Variants in TMEM200C observed in about 807,000 individuals in gnomAD.
TMEM200C encodes transmembrane protein 200C.
For synonymous variants in TMEM200C, 462 were observed against 324.7 expected, an observed-to-expected ratio of 1.42 and a Z score of -4.55; for missense variants, 966 against 699.9, an observed-to-expected ratio of 1.38 and a Z score of -4.29.
Position 5,891,888 on chromosome 18 carries a change from C to T in TMEM200C, c.176G>A (p.Gly59Glu). The T allele has an allele frequency of 6.2e-7, 1 of 1,612,726 alleles. No individual in the cohort carries two copies. The highest frequency in any genetic ancestry group is 8.5e-7 in the Non-Finnish European group (1 of 1,179,870). Residue 59 changes from glycine to glutamate, a missense_variant, in exon 3 of 3, where the codon GGG becomes GAG. Coordinates refer to ENST00000581347, the Ensembl canonical transcript of TMEM200C. This position sits in a 1 kb window ranked among gnomAD's most constrained non-coding sequence, Gnocchi z 4.7. ...TATGCCCACCAGCAGCACCAGGATC[C>T]CACAGAGGGCGATGAGCCCTGAGAT...
At chr18:5,892,239 C>A in intron 2 of TMEM200C, 82 bp from the exon 2 acceptor site, 1 of 661,324 alleles carries the variant, frequency 1.5e-6, no homozygotes, top group Non-Finnish European at 2.5e-6. Flanking sequence ...ACTCCCAGAT[C>A]CCACTCCGTG....
chr18:5,891,814 C>A lies in TMEM200C; in HGVS notation c.250G>T (p.Glu84Ter). The change falls in exon 3 of 3, where the codon GAG (glutamate) becomes TAG (stop). Residue 84 changes from glutamate (E) to a stop codon, truncating the protein, a stop_gained. Transcript: ENST00000581347. LOFTEE classifies it low-confidence loss of function (END_TRUNC). The surrounding 1 kb of genome is among the most constrained non-coding windows in gnomAD (Gnocchi z 4.7). ...GCAGGCGGCAGCTGCTTACCCCCCTCCCGATTGGTCCCGGTGGCCTTGGGC... is the reference window on the plus strand; with the variant it reads ...GCAGGCGGCAGCTGCTTACCCCCCTACCGATTGGTCCCGGTGGCCTTGGGC... 2 of 1,604,668 alleles carry A rather than the reference C, an allele frequency of 1.2e-6. No homozygotes were observed. The highest frequency in any genetic ancestry group is 1.7e-6 in the Non-Finnish European group (2 of 1,177,244).
chr18:5,890,621 CG>C lies in TMEM200C; in HGVS notation c.1442del (p.Pro481ArgfsTer74). 1.0e-6 allele frequency: 1 copy of C among 1,001,262 alleles called. No homozygotes were observed. Among genetic ancestry groups the C allele is most frequent in the Non-Finnish European group, 1.3e-6 (1 of 766,480 alleles). 62.0% of individuals were successfully genotyped at this position (1,001,262 alleles called of 1,614,324 possible). A position where few individuals can be genotyped will look rare whatever the true frequency, so the allele number is the denominator to read the frequency against. ...GGGAGGGCGGGGGCTCGGGGGACGG[CG>C]GCGCCCGGTAGTCCGGGAGCCCGCT... On this transcript the variant is annotated frameshift_variant, in exon 3 of 3. Coordinates refer to ENST00000581347, the Ensembl canonical transcript of TMEM200C. LOFTEE classifies it low-confidence loss of function (END_TRUNC).
At position 5,891,025 on chromosome 18, in the gene TMEM200C, C is replaced by A; in HGVS notation, c.1039G>T (p.Ala347Ser). 1 of 566,300 alleles carries A rather than the reference C, an allele frequency of 1.8e-6. No individual in the cohort carries two copies. Among genetic ancestry groups the A allele is most frequent in the South Asian group, 2.1e-5 (1 of 47,638 alleles). 35.1% of individuals were successfully genotyped at this position (566,300 alleles called of 1,614,324 possible). A position where few individuals can be genotyped will look rare whatever the true frequency, so the allele number is the denominator to read the frequency against. The change falls in exon 3 of 3, where the codon GCT becomes TCT. Residue 347 changes from alanine to serine, a missense_variant. Ala to Ser is a moderately conservative substitution (Grantham distance 99). Transcript: ENST00000581347. This position sits in a 1 kb window ranked among gnomAD's most constrained non-coding sequence, Gnocchi z 4.7. ...GGCGCCGGACTGCTGCAGCTGCTAG[C>A]GGCTGCGGCGGCGGTGGCAGCGGCG...
chr18:5,886,841 A>T (rs538386720), exon 3 of TMEM200C: 3 of 152,280 alleles, frequency 2.0e-5, no homozygotes, highest in East Asian at 3.9e-4. Context: ...TATACTTTAG[A>T]TTTTTAAGCC....
In TMEM200C at chr18:5,895,387, C is replaced by A. The variant is rs1399058216; in HGVS notation, c.-452G>T. The stretch of plus-strand genomic sequence containing the variant: ...CCCCTGCGGCCGCGCCGCCGGCCCT[C>A]GCGCCTCTTTTGTGTGGCTGCGGCG... On this transcript the variant is annotated 5_prime_UTR_variant, in exon 2 of 3. Transcript: ENST00000581347. 3.3e-5 allele frequency: 5 copies of A among 151,480 alleles called. No homozygotes were observed. In the East Asian group the frequency reaches 9.8e-4, roughly 30 times the overall value. The allele number at this position is 151,480 out of a possible 1,614,324, so 9.4% of individuals were successfully genotyped here.
chr18:5,886,094 G>C (rs975012516), exon 3 of TMEM200C: 3 of 151,954 alleles, frequency 2.0e-5, no homozygotes, highest in African/African-American at 7.3e-5. Flanking sequence ...CATATACTTA[G>C]TCTGTACTAA....
Position 5,891,603 on chromosome 18 carries a change from C to G in TMEM200C, c.461G>C (p.Arg154Pro), listed in dbSNP as rs778993065. ...AGAGTGCAGGTAGCCAGAGAAGATG[C>G]GGAAGAAGAAGCCCACGGACGTGGA... is the stretch of plus-strand genomic sequence containing the variant. Residue 154 changes from arginine to proline, a missense_variant, in exon 3 of 3, where the codon CGC becomes CCC. Arg to Pro is a moderately radical substitution (Grantham distance 103, BLOSUM62 -2). Transcript: ENST00000581347. The surrounding 1 kb of genome is among the most constrained non-coding windows in gnomAD (Gnocchi z 4.7). 38 of 1,613,800 alleles carry G rather than the reference C, an allele frequency of 2.4e-5. No homozygotes were observed. In the South Asian group the frequency reaches 3.2e-4, roughly 14 times the overall value.
exon 3 of TMEM200C, chr18:5,886,503 A>G (rs185621180): frequency 2.0e-5 from 3 of 152,296 alleles, no homozygotes; most frequent in African/African-American, 7.2e-5. Flanking sequence ...TTTAAGGTCT[A>G]ACTTTTCTTT....
At position 5,891,488 on chromosome 18, in the gene TMEM200C, G is replaced by T; in HGVS notation, c.576C>A (p.Asp192Glu). The T allele has an allele frequency of 6.2e-7, 1 of 1,600,480 alleles. No homozygotes were observed. The highest frequency in any genetic ancestry group is 8.5e-7 in the Non-Finnish European group (1 of 1,173,734). The change falls in exon 3 of 3, where the codon GAC becomes GAA. Residue 192 changes from aspartate (D) to glutamate (E), a missense_variant. Physicochemically the swap from Asp to Glu is conservative, Grantham distance 45. Transcript: ENST00000581347. The surrounding 1 kb of genome is among the most constrained non-coding windows in gnomAD (Gnocchi z 4.7). ...GCAGGTTGATGATTTTGGTCTTCTT[G>T]TCCCGGTTCTCGTGGAGGACCGCGT...
exon 3 of TMEM200C, chr18:5,882,998 A>G (rs1366794140): frequency 6.6e-6 from 1 of 152,044 alleles, no homozygotes; most frequent in African/African-American, 2.4e-5. Context: ...GATATCATTT[A>G]CCATGACATA....
chr18:5,890,815 C>G, exon 3 of TMEM200C: 1 of 672,912 alleles, frequency 1.5e-6, no homozygotes, highest in South Asian at 1.5e-5. Flanking sequence ...AGGTCGAGCT[C>G]GCCCCTCGGG....
At chr18:5,892,214 C>T (rs971058701) in intron 2 of TMEM200C, 57 bp from the exon 2 acceptor site, 4 of 751,496 alleles carry the variant, frequency 5.3e-6, no homozygotes, top group Non-Finnish European at 8.4e-6. Context: ...TGACATCTCA[C>T]GCTGCAGCTG....
exon 3 of TMEM200C, chr18:5,890,514 G>A (rs777291762): frequency 6.6e-7 from 1 of 1,522,192 alleles, no homozygotes; most frequent in East Asian, 2.4e-5. Context: ...CCGCCTGGTG[G>A]GGGGCGAGCC....
intron 2 of TMEM200C, among the ~76,000 whole-genome samples, chr18:5,893,932 G>A (rs1404699679): frequency 6.6e-6 from 1 of 152,126 alleles, no homozygotes; most frequent in Non-Finnish European, 1.5e-5. Context: ...AGAGCTTACT[G>A]TCTATCTCTA....
exon 3 of TMEM200C, chr18:5,890,105 A>G (rs903512717): frequency 3.4e-6 from 4 of 1,167,680 alleles, no homozygotes; most frequent in African/African-American, 3.1e-5. Context: ...TCCTCGGATC[A>G]GTCCACAAAA....
At chr18:5,887,001 A>G (rs1385228737) in exon 3 of TMEM200C, 1 of 152,216 alleles carries the variant, frequency 6.6e-6, no homozygotes, top group African/African-American at 2.4e-5. Context: ...AGTTCATTTA[A>G]TCTTTACTCC....
At chr18:5,890,345 G>C in exon 3 of TMEM200C, 4 of 1,601,680 alleles carry the variant, frequency 2.5e-6, no homozygotes, top group Non-Finnish European at 3.4e-6. Flanking sequence ...CCTCCGGCGA[G>C]CTCTGCTCCG....
intron 2 of TMEM200C, among the ~76,000 whole-genome samples, chr18:5,893,331 A>T (rs552115422): frequency 6.6e-6 from 1 of 152,200 alleles, no homozygotes; most frequent in Non-Finnish European, 1.5e-5. Context: ...TCATGAGGTC[A>T]TTTTTAGGAA....
Sources: gnomAD v4.1 joint callset for allele counts (sites outside exome capture counted in the v4.1 genomes callset) on GRCh38, gnomAD v4.1.1 for gene constraint, Gnocchi (gnomAD v3.1) non-coding constraint, MANE v1.5 for transcripts, NCBI Gene and HGNC (gene_info 2026-07-23, HGNC 2026-07-21) for gene names.